ARL15: variants seen among roughly 807,000 people sequenced by gnomAD.
ARL15 encodes ARF like GTPase 15.
A neutral mutation model predicts 25.2 loss-of-function variants in ARL15; 19 were observed. That is an observed-to-expected ratio of 0.75 (90% CI 0.53 to 1.10). The LOEUF is 1.10. ARL15 is among the 50% of genes least tolerant of loss of function. The pLI is 0.00. For synonymous variants in ARL15, 94 were observed against 86.8 expected (o/e 1.08, Z -0.46); for missense variants, 220 against 246.0 (o/e 0.89, Z 0.71).
chr5:54,147,523 T>A (rs1174564901), intron 3 of ARL15, among the ~76,000 whole-genome samples: 1 of 152,192 alleles, frequency 6.6e-6, no homozygotes, highest in Non-Finnish European at 1.5e-5. Flanking sequence ...TTCCTTAGAA[T>A]TATATAATAA....
intron 4 of ARL15, among the ~76,000 whole-genome samples, chr5:53,998,214 C>T (rs976169863): frequency 6.6e-6 from 1 of 151,026 alleles, no homozygotes; most frequent in Admixed American, 6.6e-5. Context: ...AGCCCTATTT[C>T]TCTCGCTTTT....
chr5:53,886,752 A>G (rs1314080945), intron 4 of ARL15, 39 bp from the exon 5 acceptor site: 6 of 1,497,998 alleles, frequency 4.0e-6, no homozygotes, highest in Non-Finnish European at 5.3e-6. Flanking sequence ...GTTATTAATT[A>G]TATCAGAAAC....
chr5:54,056,595 A>C (rs947173993), intron 4 of ARL15, among the ~76,000 whole-genome samples: 12 of 150,030 alleles, frequency 8.0e-5, no homozygotes, highest in Non-Finnish European at 1.8e-4. Flanking sequence ...GCGCCACTGC[A>C]CTCCAGCCTG....
chr5:54,112,806 G>C (rs1254685289), intron 4 of ARL15, among the ~76,000 whole-genome samples: 12 of 152,076 alleles, frequency 7.9e-5, no homozygotes, highest in Admixed American at 7.9e-4. Context: ...CACTTCAGAG[G>C]AACAAGAACA....
At chr5:53,926,104 CA>C (rs1475672543) in intron 4 of ARL15, among the ~76,000 whole-genome samples, 1 of 148,666 alleles carries the variant, frequency 6.7e-6, no homozygotes, top group Non-Finnish European at 1.5e-5. Flanking sequence ...TTGTATCAGG[CA>C]AACAGAAACC....
chr5:54,305,914 A>T (rs909428517), intron 1 of ARL15, among the ~76,000 whole-genome samples: 1 of 152,226 alleles, frequency 6.6e-6, no homozygotes, highest in Non-Finnish European at 1.5e-5. Flanking sequence ...AGACTAATCA[A>T]CCATTTTTAC....
chr5:54,123,834 A>C (rs995703634), intron 3 of ARL15, among the ~76,000 whole-genome samples: 1 of 152,222 alleles, frequency 6.6e-6, no homozygotes, highest in Non-Finnish European at 1.5e-5. Context: ...AATTAATTTT[A>C]ATTAACTTTA....
At chr5:54,003,360 A>G (rs1003664637) in intron 4 of ARL15, among the ~76,000 whole-genome samples, 2 of 152,236 alleles carry the variant, frequency 1.3e-5, no homozygotes, top group Non-Finnish European at 2.9e-5. Flanking sequence ...ACATGGCTAC[A>G]TACCACAATC....
chr5:54,054,766 G>GGTT (rs1197685465), intron 4 of ARL15, among the ~76,000 whole-genome samples: 1 of 152,018 alleles, frequency 6.6e-6, no homozygotes, highest in African/African-American at 2.4e-5. Context: ...CTCCAGCCTG[G>GGTT]GTTACAGAGA....
At chr5:54,224,039 T>A (rs1408409266) in intron 1 of ARL15, among the ~76,000 whole-genome samples, 2 of 152,078 alleles carry the variant, frequency 1.3e-5, no homozygotes, top group Non-Finnish European at 2.9e-5. Context: ...AGAGCTTACA[T>A]CATATTAGGA....
At chr5:54,262,678 G>GCT (rs1478668709) in intron 1 of ARL15, among the ~76,000 whole-genome samples, 1 of 152,116 alleles carries the variant, frequency 6.6e-6, no homozygotes, top group Non-Finnish European at 1.5e-5. Context: ...GCCAAGCAGA[G>GCT]CTGAGAGCCC....
intron 1 of ARL15, among the ~76,000 whole-genome samples, chr5:54,178,673 AAAG>A (rs34192673): frequency 0.65 from 98,571 of 151,774 alleles, 32,433 homozygotes; most frequent in East Asian, 0.99. Context: ...ATGAAGAAAA[AAAG>A]AAGCTTCTAA....
At chr5:54,094,779 T>A (rs1347316395) in intron 4 of ARL15, among the ~76,000 whole-genome samples, 3 of 152,216 alleles carry the variant, frequency 2.0e-5, no homozygotes, top group Non-Finnish European at 4.4e-5. Flanking sequence ...TGTCCCATCA[T>A]AAGCACTGAA....
At chr5:54,031,374 C>T (rs1019520924) in intron 4 of ARL15, among the ~76,000 whole-genome samples, 1 of 152,084 alleles carries the variant, frequency 6.6e-6, no homozygotes, top group Non-Finnish European at 1.5e-5. Context: ...GAATAGACGA[C>T]ATTCTATTTC....
chr5:54,068,132 T>A (rs566272833), intron 4 of ARL15, among the ~76,000 whole-genome samples: 1 of 152,320 alleles, frequency 6.6e-6, no homozygotes, highest in East Asian at 1.9e-4. Context: ...TTAAAAGTCG[T>A]AGAGCCATGA....
chr5:54,116,912 G>A (rs1752916115), intron 3 of ARL15, among the ~76,000 whole-genome samples: 2 of 152,124 alleles, frequency 1.3e-5, no homozygotes, highest in African/African-American at 4.8e-5. Flanking sequence ...TACCACATAA[G>A]CTAGGAGAAA....
chr5:54,033,714 G>C (rs1320265935), intron 4 of ARL15, among the ~76,000 whole-genome samples: 2 of 151,418 alleles, frequency 1.3e-5, no homozygotes, highest in Non-Finnish European at 2.9e-5. Flanking sequence ...AAATCTTTTA[G>C]AGTTGTTGAA....
At chr5:54,088,531 T>C (rs977722635) in intron 4 of ARL15, among the ~76,000 whole-genome samples, 45 of 152,172 alleles carry the variant, frequency 3.0e-4, no homozygotes, top group African/African-American at 1.1e-3. Flanking sequence ...CTCAGCTTGG[T>C]CAGAGGTAGA....
chr5:53,961,460 C>T (rs1481572958), intron 4 of ARL15, among the ~76,000 whole-genome samples: 2 of 135,784 alleles, frequency 1.5e-5, no homozygotes, highest in Admixed American at 8.0e-5. Context: ...GTAGTACTAT[C>T]GCACTCCAGT....
Sources: allele counts gnomAD v4.1 joint callset (sites outside exome capture counted in the v4.1 genomes callset), GRCh38; gene constraint gnomAD v4.1.1; transcripts MANE v1.5; gene names NCBI Gene and HGNC (gene_info 2026-07-23, HGNC 2026-07-21).